The following CALN1 variants were observed in gnomAD, a reference collection of about 807,000 sequenced individuals.
CALN1 encodes the protein calcium-binding protein 8.
In CALN1, 17 loss-of-function variants were observed where a neutral mutation model predicts 30.6. The ratio of observed to expected loss-of-function variants is 0.56; its 90% CI spans 0.38 to 0.83. The LOEUF is 0.83. Among genes scored for constraint, CALN1 ranks in the 40% least tolerant of loss-of-function variants. The pLI, the probability that CALN1 is intolerant of heterozygous loss-of-function variation, is 0.00. For synonymous variants in CALN1, 156 were observed against 131.4 expected (o/e 1.19, Z -1.28); for missense variants, 291 against 354.9 (o/e 0.82, Z 1.45).
At chr7:71,947,552 G>C (rs1054281959) in intron 5 of CALN1, among the ~76,000 whole-genome samples, 1 of 152,160 alleles carries the variant, frequency 6.6e-6, no homozygotes, top group Non-Finnish European at 1.5e-5. Context: ...GGGCTTAAAA[G>C]TGAAGAAAAT....
intron 3 of CALN1, among the ~76,000 whole-genome samples, chr7:72,142,842 G>A (rs919394914): frequency 9.9e-5 from 15 of 152,088 alleles, no homozygotes; most frequent in African/African-American, 2.9e-4. Flanking sequence ...TGCAGCCTCC[G>A]CTACTGATAC....
intron 4 of CALN1, among the ~76,000 whole-genome samples, chr7:72,064,592 C>T (rs1476026139): frequency 6.6e-6 from 1 of 152,160 alleles, no homozygotes; most frequent in African/African-American, 2.4e-5. Flanking sequence ...TTTGCAACAA[C>T]TATTATTTTA....
At chr7:72,171,019 T>C (rs1372989515) in intron 3 of CALN1, among the ~76,000 whole-genome samples, 1 of 152,100 alleles carries the variant, frequency 6.6e-6, no homozygotes, top group Admixed American at 6.6e-5. Context: ...TAGCTGGGCA[T>C]GGCGGTGTAT....
chr7:72,445,789 G>A (rs1232978770), intron 1 of CALN1, among the ~76,000 whole-genome samples: 1 of 152,136 alleles, frequency 6.6e-6, no homozygotes, highest in African/African-American at 2.4e-5. Flanking sequence ...TCCTTGGCTG[G>A]GGGATTGCAA....
intron 3 of CALN1, among the ~76,000 whole-genome samples, chr7:72,128,254 A>G (rs914782780): frequency 2.0e-5 from 3 of 152,224 alleles, no homozygotes; most frequent in African/African-American, 7.2e-5. Flanking sequence ...CATTTAGCTG[A>G]AAAATAGTAG....
the CALN1 span, among the ~76,000 whole-genome samples, chr7:72,473,167 T>C: frequency 6.6e-6 from 1 of 151,574 alleles, no homozygotes; most frequent in South Asian, 2.1e-4. Flanking sequence ...CCTAGGCTGG[T>C]CTCGAACTCC....
rs79944359 is a variant in CALN1, at chr7:72,149,719, T to C, written c.245-43425A>G. On this transcript the variant is annotated intron_variant, in intron 3 of 6. Coordinates refer to ENST00000395275, the MANE Select transcript of CALN1 (RefSeq NM_031468.4). ...TCCTATCTCCTCACACAGCACTGCA[T>C]TGTGAAATCTTTTCTCTTTTGCAAA... Among the ~76,000 whole-genome samples the C allele has an allele frequency of 5.6e-3, 853 of 152,162 alleles. 9 individuals are homozygous for C. The highest frequency in any genetic ancestry group is 0.019 in the African/African-American group (797 of 41,526).
intron 5 of CALN1, among the ~76,000 whole-genome samples, chr7:71,833,206 T>C (rs547177435): frequency 6.6e-6 from 1 of 152,338 alleles, no homozygotes; most frequent in Non-Finnish European, 1.5e-5. Flanking sequence ...ACAACCTTAA[T>C]AGAGCACTTG....
intron 5 of CALN1, among the ~76,000 whole-genome samples, chr7:71,991,399 C>T (rs1213904084): frequency 1.3e-5 from 2 of 151,342 alleles, no homozygotes; most frequent in East Asian, 1.9e-4. Flanking sequence ...GCAGAGCTTT[C>T]GATGAGCTAA....
At chr7:72,247,223 C>CTTT (rs1795235414) in intron 3 of CALN1, among the ~76,000 whole-genome samples, 1 of 43,490 alleles carries the variant, frequency 2.3e-5, no homozygotes, top group African/African-American at 6.0e-5. Context: ...AGACCATTTT[C>CTTT]TTTCTTTTTT....
At chr7:72,024,966 T>G (rs879364987) in intron 4 of CALN1, among the ~76,000 whole-genome samples, 1 of 152,178 alleles carries the variant, frequency 6.6e-6, no homozygotes, top group Non-Finnish European at 1.5e-5. Context: ...TGGTCGAACT[T>G]TTTTTCTCTC....
intron 3 of CALN1, among the ~76,000 whole-genome samples, chr7:72,191,761 T>C (rs1163900954): frequency 6.6e-6 from 1 of 152,060 alleles, no homozygotes; most frequent in Non-Finnish European, 1.5e-5. Flanking sequence ...ATTATCTGAC[T>C]GTTCTAGAAG....
intron 1 of CALN1, among the ~76,000 whole-genome samples, chr7:72,405,673 T>C (rs543288291): frequency 2.7e-5 from 4 of 150,832 alleles, no homozygotes; most frequent in African/African-American, 9.9e-5. Flanking sequence ...AGTTAGCTCG[T>C]TAAGTTAAAC....
chr7:72,218,465 A>T (rs1211447091), intron 3 of CALN1, among the ~76,000 whole-genome samples: 3 of 152,016 alleles, frequency 2.0e-5, no homozygotes, highest in African/African-American at 7.2e-5. Flanking sequence ...AAAATAAAAT[A>T]AAATAACTGT....
intron 2 of CALN1, among the ~76,000 whole-genome samples, chr7:72,399,167 T>G (rs186796310): frequency 1.3e-5 from 2 of 151,504 alleles, no homozygotes; most frequent in African/African-American, 4.8e-5. Flanking sequence ...TGCAGTAACG[T>G]AGGCTGACAA....
chr7:71,853,070 CTTATTA>C (rs1211279694), intron 5 of CALN1, among the ~76,000 whole-genome samples: 1 of 151,674 alleles, frequency 6.6e-6, no homozygotes. Flanking sequence ...AGTTTAAACA[CTTATTA>C]TTATTTGCTT....
At chr7:71,823,446 G>A (rs1286959349) in intron 5 of CALN1, among the ~76,000 whole-genome samples, 1 of 152,226 alleles carries the variant, frequency 6.6e-6, no homozygotes, top group Non-Finnish European at 1.5e-5. Context: ...TGGGCCGGGA[G>A]CGGTGGCTCA....
At chr7:72,029,219 C>T (rs1045193595) in intron 4 of CALN1, among the ~76,000 whole-genome samples, 6 of 151,870 alleles carry the variant, frequency 4.0e-5, no homozygotes, top group Admixed American at 6.6e-5. Context: ...CTCCGCCTCC[C>T]GGGTTCACGC....
chr7:72,067,547 G>A (rs929428295), intron 4 of CALN1, among the ~76,000 whole-genome samples: 15 of 152,090 alleles, frequency 9.9e-5, no homozygotes, highest in African/African-American at 3.4e-4. Context: ...ACCACTCTCA[G>A]CCACTCCATA....
Sources: gnomAD v4.1 joint callset for allele counts (sites outside exome capture counted in the v4.1 genomes callset) on GRCh38, gnomAD v4.1.1 for gene constraint, MANE v1.5 for transcripts, NCBI Gene and HGNC (gene_info 2026-07-23, HGNC 2026-07-21) for gene names.